The following DLGAP2 variants were observed in gnomAD, a reference collection of about 807,000 sequenced individuals.
DLGAP2 encodes the protein disks large-associated protein 2.
A neutral mutation model predicts 100.3 loss-of-function variants in DLGAP2; 26 were observed. The observed-to-expected ratio is 0.26, with a 90% CI of 0.19 to 0.36. The LOEUF (loss-of-function observed/expected upper bound fraction) is 0.36, where lower values mean the gene tolerates loss of function less well. DLGAP2 is among the 10% of genes least tolerant of loss of function. The pLI, the probability that DLGAP2 is intolerant of heterozygous loss-of-function variation, is 1.00. For synonymous variants in DLGAP2, 886 were observed against 630.1 expected (o/e 1.41, Z -6.08); for missense variants, 1,858 against 1,453.2 (o/e 1.28, Z -4.53).
Position 970,317 on chromosome 8 carries a change from G to C in DLGAP2, c.73+62351G>C, listed in dbSNP as rs185591042. Among the ~76,000 whole-genome samples the C allele has an allele frequency of 2.0e-5, 3 of 152,288 alleles. No homozygotes were observed. The East Asian group carries it at 5.8e-4, about 29-fold the overall frequency. On this transcript the variant is annotated intron_variant, in intron 2 of 14. Coordinates refer to ENST00000637795, the MANE Select transcript of DLGAP2 (RefSeq NM_001346810.2). ...ATAGGTGTGTTGACTTTATAGTAAGGATGTTATATATTTTATTTTTAAAAA... is the reference window on the plus strand; with the variant it reads ...ATAGGTGTGTTGACTTTATAGTAAGCATGTTATATATTTTATTTTTAAAAA...
intron 1 of DLGAP2, among the ~76,000 whole-genome samples, chr8:828,470 GGTCAGAGT>G (rs1218326177): frequency 6.6e-6 from 1 of 152,198 alleles, no homozygotes; most frequent in Non-Finnish European, 1.5e-5. Context: ...GCTCACCGGT[GGTCAGAGT>G]TTAAGGTTAT....
At chr8:1,533,607 A>C (rs1018527395) in intron 4 of DLGAP2, among the ~76,000 whole-genome samples, 1 of 152,208 alleles carries the variant, frequency 6.6e-6, no homozygotes, top group Non-Finnish European at 1.5e-5. Flanking sequence ...TAAATTTTAA[A>C]TTTTAATTAA....
chr8:1,528,464 A>G (rs1484579721), intron 4 of DLGAP2, among the ~76,000 whole-genome samples: 1 of 152,164 alleles, frequency 6.6e-6, no homozygotes, highest in Non-Finnish European at 1.5e-5. Context: ...ATCTATGAAA[A>G]CTTCTCAAAG....
chr8:1,475,876 C>G (rs1483866031), intron 3 of DLGAP2, among the ~76,000 whole-genome samples: 2 of 152,006 alleles, frequency 1.3e-5, no homozygotes, highest in African/African-American at 4.8e-5. Flanking sequence ...TTGTTTTTTT[C>G]TCTCCCCTAG....
At chr8:1,583,558 T>C (rs1796017438) in intron 6 of DLGAP2, among the ~76,000 whole-genome samples, 1 of 152,104 alleles carries the variant, frequency 6.6e-6, no homozygotes, top group South Asian at 2.1e-4. Context: ...TTCAAAGAAA[T>C]CACAGTTTTT....
intron 1 of DLGAP2, among the ~76,000 whole-genome samples, chr8:888,313 A>T (rs1241394525): frequency 6.6e-6 from 1 of 152,198 alleles, no homozygotes; most frequent in Admixed American, 6.5e-5. Context: ...GCTTCTTTGC[A>T]CTGGGTTAGA....
In DLGAP2 at chr8:1,193,847, C is replaced by G. The variant is rs72507632; in HGVS notation, c.74-65004C>G. 1.8e-3 allele frequency among the ~76,000 whole-genome samples: 275 copies of G among 152,218 alleles called. 6 individuals carry two copies. In the East Asian group the frequency reaches 0.051, roughly 28 times the overall value. ...AGACAGCATCCGGGTGGGGCAGATCCCAGCGTCGGCCTCTAGAGCCTCCGC... is the reference window on the plus strand; with the variant it reads ...AGACAGCATCCGGGTGGGGCAGATCGCAGCGTCGGCCTCTAGAGCCTCCGC... On this transcript the variant is annotated intron_variant, in intron 2 of 14. Transcript: ENST00000637795.
At chr8:1,591,722 A>T (rs4633084) in intron 6 of DLGAP2, among the ~76,000 whole-genome samples, 1 of 152,004 alleles carries the variant, frequency 6.6e-6, no homozygotes, top group African/African-American at 2.4e-5. Flanking sequence ...ACACACCCGC[A>T]TATCTCCTGG....
At chr8:944,602 A>T (rs550083406) in intron 2 of DLGAP2, among the ~76,000 whole-genome samples, 1 of 152,090 alleles carries the variant, frequency 6.6e-6, no homozygotes, top group Admixed American at 6.5e-5. Flanking sequence ...AGTGGGTGGT[A>T]GCTGATCCAT....
intron 8 of DLGAP2, among the ~76,000 whole-genome samples, chr8:1,635,807 T>C (rs1403372101): frequency 6.6e-6 from 1 of 152,242 alleles, no homozygotes; most frequent in African/African-American, 2.4e-5. Context: ...AAATACATCT[T>C]AGACCATCTG....
chr8:1,169,408 A>T (rs1029562974), intron 2 of DLGAP2, among the ~76,000 whole-genome samples: 5 of 152,150 alleles, frequency 3.3e-5, no homozygotes, highest in African/African-American at 1.2e-4. Context: ...GTTTTTTCCA[A>T]TTCTGTGAAG....
At chr8:1,040,184 A>ACG (rs1802289879) in intron 2 of DLGAP2, among the ~76,000 whole-genome samples, 1 of 84,424 alleles carries the variant, frequency 1.2e-5, no homozygotes, top group African/African-American at 5.4e-5. Context: ...CTCGGTTTCC[A>ACG]TGGTCAGCTC....
At chr8:745,060 A>G (rs1014494655) in intron 1 of DLGAP2, among the ~76,000 whole-genome samples, 1 of 152,082 alleles carries the variant, frequency 6.6e-6, no homozygotes, top group African/African-American at 2.4e-5. Context: ...GTAAATACAC[A>G]CCGTGAATGC....
At chr8:1,097,975 T>G (rs761151134) in intron 2 of DLGAP2, among the ~76,000 whole-genome samples, 1 of 152,278 alleles carries the variant, frequency 6.6e-6, no homozygotes, top group Non-Finnish European at 1.5e-5. Flanking sequence ...CTGAGTCTGC[T>G]TAGAGGTTTG....
chr8:1,302,863 C>G lies in DLGAP2; in HGVS notation c.106+43980C>G, dbSNP rs544194417. Among the ~76,000 whole-genome samples, 10 of 152,304 alleles carry G rather than the reference C, an allele frequency of 6.6e-5. No individual in the cohort carries two copies. The South Asian group carries it at 1.5e-3, about 22-fold the overall frequency. ...CTGGAGTCGATTCTTTCCTGCTGTTCACAGCGCTTAGGTACTTTCCAAAAC... is the reference window on the plus strand; with the variant it reads ...CTGGAGTCGATTCTTTCCTGCTGTTGACAGCGCTTAGGTACTTTCCAAAAC... On this transcript the variant is annotated intron_variant, in intron 3 of 14. Transcript: ENST00000637795.
At chr8:1,505,673 C>T (rs1029706782) in intron 4 of DLGAP2, among the ~76,000 whole-genome samples, 3 of 152,118 alleles carry the variant, frequency 2.0e-5, no homozygotes, top group Non-Finnish European at 4.4e-5. Flanking sequence ...ACATTCAAAA[C>T]GAATACCTTG....
chr8:1,190,296 A>G (rs79465973), intron 2 of DLGAP2, among the ~76,000 whole-genome samples: 4,921 of 152,122 alleles, frequency 0.032, 284 homozygotes, highest in African/African-American at 0.1. Flanking sequence ...CGTGCCCTCC[A>G]TCTCCTCTGT....
chr8:1,651,546 A>G (rs1216470644), intron 8 of DLGAP2, among the ~76,000 whole-genome samples: 1 of 152,216 alleles, frequency 6.6e-6, no homozygotes, highest in Non-Finnish European at 1.5e-5. Context: ...TAGCTCCAGC[A>G]CATGGCGGCT....
At chr8:972,366 C>G (rs1307474890) in intron 2 of DLGAP2, among the ~76,000 whole-genome samples, 1 of 152,050 alleles carries the variant, frequency 6.6e-6, no homozygotes, top group African/African-American at 2.4e-5. Flanking sequence ...ACAGATAGTG[C>G]TAAGGGTTCT....
Sources: gnomAD v4.1 joint callset for allele counts (sites outside exome capture counted in the v4.1 genomes callset) on GRCh38, gnomAD v4.1.1 for gene constraint, MANE v1.5 for transcripts, NCBI Gene and HGNC (gene_info 2026-07-23, HGNC 2026-07-21) for gene names.